The following MYO1F variants were observed in gnomAD, a reference collection of about 807,000 sequenced individuals.
The protein encoded by MYO1F is myosin IF, also known as unconventional myosin-If.
Under a neutral mutation model 146.6 loss-of-function variants are expected in MYO1F, and 60 were observed. The ratio of observed to expected loss-of-function variants is 0.41; its 90% CI spans 0.33 to 0.51. The LOEUF is 0.51. Ranked by LOEUF, MYO1F falls within the 20% of genes least tolerant of loss-of-function variation. MYO1F has a pLI of 0.25. For synonymous variants in MYO1F, 602 were observed against 602.1 expected (o/e 1.00, Z 0.00); for missense variants, 1,274 against 1,534.3 (o/e 0.83, Z 2.83).
At chr19:8,545,085 G>A (rs1473972651) in intron 13 of MYO1F, among the ~76,000 whole-genome samples, 2 of 149,884 alleles carry the variant, frequency 1.3e-5, no homozygotes, top group Non-Finnish European at 3.0e-5. Context: ...GCCTAAATAC[G>A]TCTTAAATTT....
intron 12 of MYO1F, chr19:8,547,755 C>T (rs1184902855): frequency 1.8e-5 from 8 of 455,810 alleles, no homozygotes; most frequent in Admixed American, 3.4e-5. Flanking sequence ...GGACTATTGC[C>T]TTATTGTTCA....
chr19:8,550,529 CTCCA>C (rs1973560025), intron 9 of MYO1F, 29 bp downstream of exon 9: 1 of 1,613,956 alleles, frequency 6.2e-7, no homozygotes, highest in Admixed American at 1.7e-5. Flanking sequence ...ACCCACAGGC[CTCCA>C]TCCAGCCCTC....
At chr19:8,561,836 C>G (rs1243625327) in intron 1 of MYO1F, among the ~76,000 whole-genome samples, 1 of 151,534 alleles carries the variant, frequency 6.6e-6, no homozygotes, top group Non-Finnish European at 1.5e-5. Flanking sequence ...TCTGCCTCAG[C>G]CTCCCGGGCA....
At position 8,572,090 on chromosome 19, in the gene MYO1F, G is replaced by A. The variant is rs147345250; in HGVS notation, c.3+5217C>T. ...GTCTCGTCGCTGGAGATTGCTGACAGTCGGTGGCTACCGTCTCAAACATCT... is the reference window on the plus strand; with the variant it reads ...GTCTCGTCGCTGGAGATTGCTGACAATCGGTGGCTACCGTCTCAAACATCT... On this transcript the variant is annotated intron_variant, in intron 1 of 27. Coordinates refer to ENST00000644032, the MANE Select transcript of MYO1F (RefSeq NM_012335.4). Among the ~76,000 whole-genome samples, 677 of 152,324 alleles carry A rather than the reference G, an allele frequency of 4.4e-3. 7 individuals carry two copies. Among genetic ancestry groups the A allele is most frequent in the African/African-American group, 0.015 (636 of 41,568 alleles).
chr19:8,542,170 G>T (rs367561429), intron 14 of MYO1F, among the ~76,000 whole-genome samples, 179 bp from the exon 15 acceptor site: 9 of 151,598 alleles, frequency 5.9e-5, no homozygotes, highest in Admixed American at 2.0e-4. Context: ...AGGGGATGGG[G>T]GGCGGGCTTC....
chr19:8,566,161 C>CT (rs781059040), intron 1 of MYO1F, among the ~76,000 whole-genome samples: 3,582 of 78,336 alleles, frequency 0.046, 136 homozygotes, highest in Middle Eastern at 0.073. Flanking sequence ...CAGTCTATGT[C>CT]TTTTTTTTTT....
In MYO1F at chr19:8,528,528, A is replaced by AAC. The variant is rs941958275; in HGVS notation, c.2329-1047_2329-1046dup. Among the ~76,000 whole-genome samples the AAC allele has an allele frequency of 3.8e-4, 58 of 152,264 alleles. No homozygotes were observed. The Middle Eastern group carries it at 0.01, about 27-fold the overall frequency. ...GGGCGACATAACAAGATTCTGACTC[A>AAC]ACACACACACACAAAAGAGCAAAAC... On this transcript the variant is annotated intron_variant, in intron 21 of 27. Coordinates refer to ENST00000644032, the MANE Select transcript of MYO1F (RefSeq NM_012335.4).
chr19:8,547,919 G>C, intron 12 of MYO1F, 117 bp downstream of exon 12: 1 of 960,442 alleles, frequency 1.0e-6, no homozygotes, highest in Non-Finnish European at 1.6e-6. Context: ...TTGGCACAGA[G>C]AGGTGGGAAC....
intron 14 of MYO1F, among the ~76,000 whole-genome samples, chr19:8,542,828 C>T (rs1973040237): frequency 6.6e-6 from 1 of 151,080 alleles, no homozygotes; most frequent in African/African-American, 2.4e-5. Context: ...TGGTCTCGAT[C>T]TCCTGACCTT....
chr19:8,554,599 A>G (rs778285891), intron 3 of MYO1F, 28 bp from the exon 4 acceptor site: 191 of 1,611,226 alleles, frequency 1.2e-4, no homozygotes, highest in Non-Finnish European at 5.7e-5. Flanking sequence ...GTCTCAGCCC[A>G]GGGCTGGGGG....
chr19:8,544,655 TA>T (rs1243978564), intron 13 of MYO1F, among the ~76,000 whole-genome samples, 191 bp from the exon 14 acceptor site: 10 of 149,890 alleles, frequency 6.7e-5, no homozygotes, highest in Admixed American at 4.0e-4. Flanking sequence ...ATGGAAGGGA[TA>T]GGGGGGCAAG....
At chr19:8,570,798 G>A (rs1335351471) in intron 1 of MYO1F, among the ~76,000 whole-genome samples, 2 of 152,134 alleles carry the variant, frequency 1.3e-5, no homozygotes, top group Non-Finnish European at 2.9e-5. Context: ...GCAAGCCGCT[G>A]TGCCCGGCCA....
At chr19:8,551,907 C>T (rs1402998759) in intron 7 of MYO1F, 33 bp from the exon 8 acceptor site, 1 of 1,614,028 alleles carries the variant, frequency 6.2e-7, no homozygotes, top group Admixed American at 1.7e-5. Context: ...GCATCTGGTG[C>T]TTGCCTGGCT....
At position 8,530,624 on chromosome 19, in the gene MYO1F, G is replaced by A. The variant is rs776075685; in HGVS notation, c.2044-51C>T. ...GGTGAGTCCTGGTGTCTCCCCAGGG[G>A]CTGCAGTTCCGGGTTTTCCCTGCGC... On this transcript the variant is annotated intron_variant, in intron 19 of 27. Transcript: ENST00000644032. This position sits in a 1 kb window ranked among gnomAD's most constrained non-coding sequence, Gnocchi z 5.8. The A allele has an allele frequency of 7.0e-7, 1 of 1,435,880 alleles. No homozygotes were observed. 88.9% of individuals were successfully genotyped at this position (1,435,880 alleles called of 1,614,324 possible). A position where few individuals can be genotyped will look rare whatever the true frequency, so the allele number is the denominator to read the frequency against.
At chr19:8,543,529 G>T (rs1371920362) in intron 14 of MYO1F, among the ~76,000 whole-genome samples, 1 of 151,984 alleles carries the variant, frequency 6.6e-6, no homozygotes, top group Non-Finnish European at 1.5e-5. Flanking sequence ...ACCCAAGCTG[G>T]TGTTAATCGG....
At chr19:8,543,906 G>C (rs866035444) in intron 14 of MYO1F, among the ~76,000 whole-genome samples, 28 of 86,076 alleles carry the variant, frequency 3.3e-4, no homozygotes, top group South Asian at 1.4e-3. Flanking sequence ...GCTGGTGGTG[G>C]TGGTGGTGGT....
At chr19:8,541,110 A>G (rs766941828) in intron 15 of MYO1F, among the ~76,000 whole-genome samples, 3 of 151,966 alleles carry the variant, frequency 2.0e-5, no homozygotes, top group Non-Finnish European at 4.4e-5. Flanking sequence ...CAGCCTCCCG[A>G]GTAGCTGGGA....
At position 8,521,321 on chromosome 19, in the gene MYO1F, ATGT is replaced by A; in HGVS notation, c.*204_*206del. 1 of 617,484 alleles carries A rather than the reference ATGT, an allele frequency of 1.6e-6. No homozygotes were observed. 38.3% of individuals were successfully genotyped at this position (617,484 alleles called of 1,614,324 possible). A position where few individuals can be genotyped will look rare whatever the true frequency, so the allele number is the denominator to read the frequency against. ...AAATGGAGAATGGGCAGCAGGTGTG[ATGT>A]TGGAGGAAGACCAGGGCCCAGGGGC... On this transcript the variant is annotated 3_prime_UTR_variant, in exon 28 of 28. Transcript: ENST00000644032.
In MYO1F at chr19:8,526,688, C is replaced by CCGG. The variant is rs1568332237; in HGVS notation, c.2622-88_2622-87insCCG. The CCGG allele has an allele frequency of 1.2e-5, 18 of 1,532,834 alleles. No individual in the cohort carries two copies. The South Asian group carries it at 1.3e-4, about 11-fold the overall frequency. 95.0% of individuals were successfully genotyped at this position (1,532,834 alleles called of 1,614,324 possible). A position where few individuals can be genotyped will look rare whatever the true frequency, so the allele number is the denominator to read the frequency against. ...GCTGGTTGGGGCAGGGGCGGGGCCG[C>CCGG]GGCCGGGGCCGAAGCGCAGTTCGGC... On this transcript the variant is annotated intron_variant, in intron 23 of 27. Transcript: ENST00000644032.
Sources: allele counts gnomAD v4.1 joint callset (sites outside exome capture counted in the v4.1 genomes callset), GRCh38; gene constraint gnomAD v4.1.1; non-coding constraint Gnocchi (gnomAD v3.1); transcripts MANE v1.5; gene names NCBI Gene and HGNC (gene_info 2026-07-23, HGNC 2026-07-21).